Variants in NEK7 observed in about 807,000 individuals in gnomAD.
The protein encoded by NEK7 is NIMA related kinase 7.
NEK7 carries 18 observed loss-of-function variants against 44.6 expected under a neutral mutation model. That is an observed-to-expected ratio of 0.40 (90% CI 0.28 to 0.60). The LOEUF (loss-of-function observed/expected upper bound fraction) is 0.60. Among genes scored for constraint, NEK7 ranks in the 20% least tolerant of loss-of-function variants. NEK7 has a pLI of 0.38. For missense variants in NEK7, 256 were observed against 366.5 expected, an observed-to-expected ratio of 0.70 and a Z score of 2.46; for synonymous variants, 130 against 121.1, an observed-to-expected ratio of 1.07 and a Z score of -0.48.
chr1:198,288,033 A>G (rs561237985), intron 7 of NEK7, among the ~76,000 whole-genome samples: 7 of 152,308 alleles, frequency 4.6e-5, no homozygotes, highest in Non-Finnish European at 8.8e-5. Context: ...TTAGAAAATT[A>G]GTGTTCTTGA....
At chr1:198,198,661 T>C (rs1035480584) in intron 1 of NEK7, among the ~76,000 whole-genome samples, 1 of 152,248 alleles carries the variant, frequency 6.6e-6, no homozygotes, top group Non-Finnish European at 1.5e-5. Context: ...AATTAAATCC[T>C]TGGCCTGATT....
At chr1:198,277,165 G>C (rs1053292222) in intron 5 of NEK7, among the ~76,000 whole-genome samples, 1 of 151,722 alleles carries the variant, frequency 6.6e-6, no homozygotes, top group African/African-American at 2.4e-5. Flanking sequence ...TAATTTTTAT[G>C]TGTTGAATCT....
intron 1 of NEK7, among the ~76,000 whole-genome samples, chr1:198,229,569 G>T (rs1366591441): frequency 6.6e-6 from 1 of 152,162 alleles, no homozygotes; most frequent in Non-Finnish European, 1.5e-5. Flanking sequence ...GATAGTGTTG[G>T]AATTGAATTG....
chr1:198,162,980 G>T (rs781295496), intron 1 of NEK7, among the ~76,000 whole-genome samples: 2 of 151,876 alleles, frequency 1.3e-5, no homozygotes, highest in Non-Finnish European at 1.5e-5. Flanking sequence ...GCTTAAAATT[G>T]TTTTTTTAAA....
intron 3 of NEK7, among the ~76,000 whole-genome samples, chr1:198,253,582 A>T (rs549097708): frequency 6.6e-6 from 1 of 152,158 alleles, no homozygotes; most frequent in Non-Finnish European, 1.5e-5. Context: ...GTTAAACTAT[A>T]CCAGCAAAAA....
At chr1:198,253,574 T>C (rs1218657886) in intron 3 of NEK7, among the ~76,000 whole-genome samples, 1 of 152,104 alleles carries the variant, frequency 6.6e-6, no homozygotes, top group Non-Finnish European at 1.5e-5. Context: ...AAATGGCAGT[T>C]AAACTATACC....
chr1:198,201,267 G>T (rs1022121937), intron 1 of NEK7, among the ~76,000 whole-genome samples: 3 of 152,076 alleles, frequency 2.0e-5, no homozygotes, highest in Non-Finnish European at 2.9e-5. Context: ...AAGTATTTCA[G>T]TTTTATTTTA....
At chr1:198,226,205 T>G (rs1666219485) in intron 1 of NEK7, among the ~76,000 whole-genome samples, 1 of 152,132 alleles carries the variant, frequency 6.6e-6, no homozygotes, top group South Asian at 2.1e-4. Flanking sequence ...TAAGTAATGG[T>G]GTTAAATCAA....
At chr1:198,274,252 TTTTG>T (rs901059419) in intron 5 of NEK7, among the ~76,000 whole-genome samples, 4 of 151,410 alleles carry the variant, frequency 2.6e-5, no homozygotes, top group Non-Finnish European at 4.4e-5. Flanking sequence ...GATTGCATTT[TTTTG>T]TTTGTTTGTT....
At chr1:198,218,237 A>G (rs1236940021) in intron 1 of NEK7, among the ~76,000 whole-genome samples, 1 of 152,088 alleles carries the variant, frequency 6.6e-6, no homozygotes, top group Non-Finnish European at 1.5e-5. Flanking sequence ...GACTAATGGA[A>G]CAGAATAGAG....
At chr1:198,228,332 G>T (rs1358074899) in intron 1 of NEK7, among the ~76,000 whole-genome samples, 1 of 152,172 alleles carries the variant, frequency 6.6e-6, no homozygotes, top group Admixed American at 6.5e-5. Flanking sequence ...TTTGGCTCAG[G>T]ACTGACTTGG....
At chr1:198,228,297 A>G (rs1666286630) in intron 1 of NEK7, among the ~76,000 whole-genome samples, 1 of 152,194 alleles carries the variant, frequency 6.6e-6, no homozygotes, top group South Asian at 2.1e-4. Flanking sequence ...GAAGTCAGGT[A>G]GTGTGATGCC....
intron 9 of NEK7, among the ~76,000 whole-genome samples, chr1:198,314,138 A>T (rs1655278041): frequency 6.6e-6 from 1 of 152,006 alleles, no homozygotes; most frequent in Non-Finnish European, 1.5e-5. Flanking sequence ...GTTTCTTTTT[A>T]TTCTTTTTTC....
At chr1:198,171,188 C>CT (rs903960854) in intron 1 of NEK7, among the ~76,000 whole-genome samples, 4 of 152,082 alleles carry the variant, frequency 2.6e-5, no homozygotes, top group Non-Finnish European at 5.9e-5. Flanking sequence ...GGGCTTATGT[C>CT]TTTTTTTAAA....
intron 1 of NEK7, among the ~76,000 whole-genome samples, chr1:198,210,089 G>A (rs746485850): frequency 9.9e-5 from 15 of 152,142 alleles, no homozygotes; most frequent in South Asian, 6.2e-4. Context: ...TGAACACTGC[G>A]TCTGGCCTAT....
intron 1 of NEK7, among the ~76,000 whole-genome samples, chr1:198,187,236 T>C (rs193176851): frequency 4.8e-4 from 73 of 152,308 alleles, no homozygotes; most frequent in Admixed American, 2.0e-4. Context: ...AGTCCAATTA[T>C]GTGCCAGGCT....
intron 9 of NEK7, among the ~76,000 whole-genome samples, chr1:198,317,891 T>A (rs998294691): frequency 4.8e-5 from 7 of 146,446 alleles, no homozygotes; most frequent in Admixed American, 6.8e-5. Flanking sequence ...TTTTTTTTTT[T>A]TTTTTTTTTG....
rs1048211738 is a variant in NEK7 at position 198,157,277 on chromosome 1, G to C, written c.-29+1G>C. The C allele has an allele frequency of 6.6e-6, 1 of 152,080 alleles. No homozygotes were observed. The highest frequency in any genetic ancestry group is 1.5e-5 in the Non-Finnish European group (1 of 68,014). The allele number at this position is 152,080 out of a possible 1,614,324, so 9.4% of individuals were successfully genotyped here. On this transcript the variant is annotated splice_donor_variant, in intron 1 of 9. Transcript: ENST00000367385. LOFTEE classifies it low-confidence loss of function (5UTR_SPLICE). ...AGAACGGAAAACTCCCAACTTCCTG[G>C]TGAGTCGCTGCCCAGGGTTCAGGCG...
At chr1:198,223,081 A>T (rs974074303) in intron 1 of NEK7, among the ~76,000 whole-genome samples, 12 of 152,152 alleles carry the variant, frequency 7.9e-5, no homozygotes, top group Non-Finnish European at 1.8e-4. Flanking sequence ...CTGGGCTGGA[A>T]ATGTGGGAGA....
Sources: allele counts gnomAD v4.1 joint callset (sites outside exome capture counted in the v4.1 genomes callset), GRCh38; gene constraint gnomAD v4.1.1; transcripts MANE v1.5; gene names NCBI Gene and HGNC (gene_info 2026-07-23, HGNC 2026-07-21).